The following COX6C variants were observed in gnomAD, a reference collection of about 807,000 sequenced individuals.
The protein encoded by COX6C is cytochrome c oxidase polypeptide VIc.
A neutral mutation model predicts 6.9 loss-of-function variants in COX6C; 3 were observed. That is an observed-to-expected ratio of 0.43 (90% CI 0.20 to 1.12). The LOEUF (loss-of-function observed/expected upper bound fraction) is 1.12. COX6C is among the 50% of genes most tolerant of loss of function. COX6C has a pLI of 0.27. For synonymous variants in COX6C, 32 were observed against 32.0 expected, an observed-to-expected ratio of 1.00 and a Z score of 0.00; for missense variants, 101 against 97.3, an observed-to-expected ratio of 1.04 and a Z score of -0.16.
At chr8:99,887,180 T>A (rs1310434235) in intron 3 of COX6C, 1 of 170,138 alleles carries the variant, frequency 5.9e-6, no homozygotes, top group Non-Finnish European at 1.2e-5. Context: ...GCCTAGCTTA[T>A]AATAAAACAC....
chr8:99,891,684 C>G (rs111393636), intron 2 of COX6C, among the ~76,000 whole-genome samples: 366 of 152,208 alleles, frequency 2.4e-3, no homozygotes, highest in African/African-American at 8.3e-3. Context: ...TCCAGAACTG[C>G]GAGCAAATTT....
intron 3 of COX6C, among the ~76,000 whole-genome samples, chr8:99,879,692 AAT>A (rs1350957490): frequency 6.6e-6 from 1 of 152,208 alleles, no homozygotes; most frequent in East Asian, 1.9e-4. Flanking sequence ...TCCTCAGTAC[AAT>A]AGTCAGAAGA....
intron 3 of COX6C, among the ~76,000 whole-genome samples, chr8:99,880,915 A>T (rs1817852934): frequency 6.6e-6 from 1 of 152,196 alleles, no homozygotes; most frequent in African/African-American, 2.4e-5. Flanking sequence ...ATTCCCAGAT[A>T]AAAAAGTCAA....
intron 2 of COX6C, among the ~76,000 whole-genome samples, chr8:99,890,901 C>A (rs189667003): frequency 1.4e-3 from 211 of 152,328 alleles, no homozygotes; most frequent in African/African-American, 4.5e-3. Flanking sequence ...GCACGTTCCA[C>A]ACTCATGGAT....
intron 3 of COX6C, among the ~76,000 whole-genome samples, chr8:99,881,918 C>G (rs954496915): frequency 1.3e-5 from 2 of 152,178 alleles, no homozygotes; most frequent in South Asian, 2.1e-4. Context: ...CCCACACATA[C>G]AGCAACCAGG....
chr8:99,878,475 C>G (rs1817787661), intron 3 of COX6C: 1 of 152,158 alleles, frequency 6.6e-6, no homozygotes, highest in African/African-American at 2.4e-5. Context: ...CTCTGAATAG[C>G]CTCTTTTCCA....
intron 3 of COX6C, among the ~76,000 whole-genome samples, chr8:99,880,704 AAAATT>A (rs1817848538): frequency 6.6e-6 from 1 of 151,982 alleles, no homozygotes; most frequent in South Asian, 2.1e-4. Flanking sequence ...CCATCTCTAT[AAAATT>A]AAATTAAATT....
intron 3 of COX6C, among the ~76,000 whole-genome samples, chr8:99,882,768 TAATGA>T (rs1817884144): frequency 6.6e-6 from 1 of 151,070 alleles, no homozygotes; most frequent in African/African-American, 2.5e-5. Context: ...CTGGATGACC[TAATGA>T]AATAGAAATA....
At chr8:99,893,302 AG>A (rs1290593572) in intron 1 of COX6C, 1 of 152,286 alleles carries the variant, frequency 6.6e-6, no homozygotes, top group African/African-American at 2.4e-5. Context: ...GGGGCCAGAT[AG>A]GTCAAATGAC....
At position 99,891,494 on chromosome 8, in the gene COX6C, A is replaced by G. The variant is rs1361673266; in HGVS notation, c.114+414T>C. 2.6e-5 allele frequency among the ~76,000 whole-genome samples: 4 copies of G among 152,158 alleles called. No homozygotes were observed. In the East Asian group the frequency reaches 7.7e-4, roughly 29 times the overall value. ...TGTTTCAAAGAAAGAAAAAGGAAAGAAGGAAAGAAAATGAAAAGAAGGGCA... is the reference window on the plus strand; with the variant it reads ...TGTTTCAAAGAAAGAAAAAGGAAAGGAGGAAAGAAAATGAAAAGAAGGGCA... On this transcript the variant is annotated intron_variant, in intron 2 of 3. Coordinates refer to ENST00000520468, the MANE Select transcript of COX6C (RefSeq NM_004374.4).
Position 99,887,585 on chromosome 8 carries a change from C to A in COX6C, c.148G>T (p.Ala50Ser). Residue 50 changes from alanine (A) to serine (S), a missense_variant, in exon 3 of 4, where the codon GCA becomes TCA. Coordinates refer to ENST00000520468, the MANE Select transcript of COX6C (RefSeq NM_004374.4). ...ACATCGTAGTTTCTGTAGAAATCTG[C>A]GTATGCCTTCTTTCTTTGATCAGCC... Reference protein sequence around the residue: ...RVADQRKKAYADFYRNYDVMK... With the variant: ...RVADQRKKAYSDFYRNYDVMK... 6.2e-7 allele frequency: 1 copy of A among 1,606,888 alleles called. No homozygotes were observed.
intron 3 of COX6C, among the ~76,000 whole-genome samples, chr8:99,880,812 G>A (rs1817850558): frequency 6.6e-6 from 1 of 151,376 alleles, no homozygotes; most frequent in African/African-American, 2.4e-5. Context: ...TCCCAGAAGA[G>A]AAAAAGGGCA....
Position 99,879,858 on chromosome 8 carries a change from G to GAA in COX6C, c.*16-1595_*16-1594dup, listed in dbSNP as rs564084956. Reference sequence around the variant, plus strand: ...ATGGCATAGTTTGGATAGGAGGTTGGAAAGAGCTGAAAGCAATGATGGGTA... The same window carrying GAA: ...ATGGCATAGTTTGGATAGGAGGTTGGAAAAAGAGCTGAAAGCAATGATGGGTA... On this transcript the variant is annotated intron_variant, in intron 3 of 3. Transcript: ENST00000520468. Among the ~76,000 whole-genome samples, 130 of 152,332 alleles carry GAA rather than the reference G, an allele frequency of 8.5e-4. 2 individuals are homozygous for GAA. In the South Asian group the frequency reaches 0.026, roughly 30 times the overall value.
intron 2 of COX6C, among the ~76,000 whole-genome samples, chr8:99,891,358 C>A (rs1399191085): frequency 1.3e-5 from 2 of 152,108 alleles, no homozygotes; most frequent in Non-Finnish European, 1.5e-5. Context: ...CAAGACCAGC[C>A]TGAACAACGT....
chr8:99,887,724 T>G, intron 2 of COX6C, 106 bp from the exon 3 acceptor site: 1 of 702,666 alleles, frequency 1.4e-6, no homozygotes, highest in South Asian at 2.6e-5. Context: ...TGTTCACCCT[T>G]TAATTTAAAC....
Position 99,883,427 on chromosome 8 carries a change from ATATG to A in COX6C, c.*15+4059_*15+4062del, listed in dbSNP as rs1350931124. ...TGTATATATATGTGTGTGTGTGTAT[ATATG>A]TATGTGTGTGTGTGTGTGTGTGTAT... On this transcript the variant is annotated intron_variant, in intron 3 of 3. Coordinates refer to ENST00000520468, the MANE Select transcript of COX6C (RefSeq NM_004374.4). 1.1e-3 allele frequency among the ~76,000 whole-genome samples: 152 copies of A among 139,620 alleles called. 2 individuals carry two copies. The highest frequency in any genetic ancestry group is 4.3e-3 in the African/African-American group (148 of 34,030). The allele number at this position is 139,620 out of a possible 152,430, so 91.6% of individuals were successfully genotyped here.
intron 1 of COX6C, 140 bp downstream of exon 1, chr8:99,893,499 G>C (rs1343728359): frequency 1.3e-5 from 2 of 152,436 alleles, no homozygotes; most frequent in East Asian, 3.9e-4. Flanking sequence ...GCGTGAGAGA[G>C]TAGATGCGGG....
chr8:99,893,527 C>A (rs2131014266), intron 1 of COX6C, 112 bp downstream of exon 1: 1 of 152,442 alleles, frequency 6.6e-6, no homozygotes, highest in African/African-American at 2.4e-5. Flanking sequence ...TGAAGCTGCA[C>A]CACGGCGGAG....
chr8:99,891,921 G>A lies in COX6C; in HGVS notation c.101C>T (p.Ala34Val). 1 of 1,613,972 alleles carries A rather than the reference G, an allele frequency of 6.2e-7. No homozygotes were observed. Among genetic ancestry groups the A allele is most frequent in the African/African-American group, 1.3e-5 (1 of 75,040 alleles). ...AVAFVLSLGV[A>V]ALYKFRVADQ... ...AAACATACATACCTTATACAAAGCT[G>A]CAACCCCCAGGGATAGCACGAATGC... The change falls in exon 2 of 4, where the codon GCA (alanine) becomes GTA (valine). Residue 34 changes from alanine to valine, a missense_variant. Transcript: ENST00000520468.
Sources: gnomAD v4.1 joint callset for allele counts (sites outside exome capture counted in the v4.1 genomes callset) on GRCh38, gnomAD v4.1.1 for gene constraint, MANE v1.5 for transcripts, NCBI Gene and HGNC (gene_info 2026-07-23, HGNC 2026-07-21) for gene names.